DGKA: variants seen among roughly 807,000 people sequenced by gnomAD.
DGKA encodes diacylglycerol kinase alpha, also known as 80 kDa diacylglycerol kinase.
Under a neutral mutation model 105.0 loss-of-function variants are expected in DGKA, and 35 were observed. The observed-to-expected ratio is 0.33, with a 90% CI of 0.25 to 0.44. DGKA has a LOEUF of 0.44. Ranked by LOEUF, DGKA falls within the 20% of genes least tolerant of loss-of-function variation. The pLI is 1.00. For missense variants in DGKA, 665 were observed against 915.0 expected (o/e 0.73, Z 3.53); for synonymous variants, 296 against 332.0 (o/e 0.89, Z 1.18).
intron 17 of DGKA, among the ~76,000 whole-genome samples, chr12:55,949,168 G>GCACA (rs139522411): frequency 2.0e-5 from 3 of 149,604 alleles, no homozygotes; most frequent in African/African-American, 7.3e-5. Flanking sequence ...TTACATGCAT[G>GCACA]CACACACACA....
chr12:55,936,855 T>G (rs1404844283), intron 2 of DGKA, 162 bp from the exon 3 acceptor site: 1 of 821,392 alleles, frequency 1.2e-6, no homozygotes, highest in Non-Finnish European at 2.1e-6. Context: ...GAGTAAAGAG[T>G]GGTACTGTTT....
At chr12:55,950,464 G>A (rs868143909) in intron 17 of DGKA, among the ~76,000 whole-genome samples, 4 of 151,482 alleles carry the variant, frequency 2.6e-5, no homozygotes, top group South Asian at 2.1e-4. Context: ...CCACCACCAC[G>A]CCTGGCTAAT....
At position 55,940,044 on chromosome 12, in the gene DGKA, G is replaced by A. The variant is rs1294695584; in HGVS notation, c.710-38G>A. On this transcript the variant is annotated intron_variant, in intron 9 of 23. Transcript: ENST00000331886. This position sits in a 1 kb window ranked among gnomAD's most constrained non-coding sequence, Gnocchi z 4.3. ...AGGTAAGAAGGAAATAGGGGGAGAG[G>A]CTCAGCTAAGCCTCCCAACTTCTTC... 1.9e-6 allele frequency: 3 copies of A among 1,562,494 alleles called. No homozygotes were observed. Among genetic ancestry groups the A allele is most frequent in the Non-Finnish European group, 1.8e-6 (2 of 1,133,398 alleles).
chr12:55,946,943 G>A (rs1429531434), intron 17 of DGKA, among the ~76,000 whole-genome samples: 1 of 151,852 alleles, frequency 6.6e-6, no homozygotes, highest in Non-Finnish European at 1.5e-5. Flanking sequence ...TGAGGAAGTG[G>A]AGACTTTTTT....
At chr12:55,933,723 A>C (rs1884105539) in intron 1 of DGKA, 1 of 152,172 alleles carries the variant, frequency 6.6e-6, no homozygotes, top group Non-Finnish European at 1.5e-5. Flanking sequence ...ACATGTTTGC[A>C]CCTGACAGAT....
intron 1 of DGKA, among the ~76,000 whole-genome samples, chr12:55,935,127 A>G (rs766808974): frequency 5.3e-5 from 8 of 152,216 alleles, no homozygotes; most frequent in Admixed American, 3.3e-4. Context: ...CATCTGTAGA[A>G]TGGTTATGCC....
Position 55,936,460 on chromosome 12 carries a change from A to G in DGKA, c.-44A>G, listed in dbSNP as rs755847876. ...AAGAGGTCCAAGCAACGGAAGTACTACTACGAAGCTGCCTTTCTGGCCATC... is the reference window on the plus strand; with the variant it reads ...AAGAGGTCCAAGCAACGGAAGTACTGCTACGAAGCTGCCTTTCTGGCCATC... On this transcript the variant is annotated 5_prime_UTR_variant, in exon 2 of 24. Coordinates refer to ENST00000331886, the MANE Select transcript of DGKA (RefSeq NM_001345.5). 2 of 1,607,110 alleles carry G rather than the reference A, an allele frequency of 1.2e-6. No homozygotes were observed. Among genetic ancestry groups the G allele is most frequent in the East Asian group, 2.2e-5 (1 of 44,760 alleles).
Position 55,939,450 on chromosome 12 carries a change from C to T in DGKA, c.630C>T (p.Pro210=), listed in dbSNP as rs778781957. 1.9e-6 allele frequency: 3 copies of T among 1,614,162 alleles called. No homozygotes were observed. Among genetic ancestry groups the T allele is most frequent in the Admixed American group, 1.7e-5 (1 of 60,006 alleles). The part of the protein sequence containing the change: ...LKDDGQHMWR[P]KRFPRPVYCN... Reference sequence around the variant, plus strand: ...ACGACGGACAGCACATGTGGAGGCCCAAGAGGTTCCCCAGACCAGTCTACT... The same window carrying T: ...ACGACGGACAGCACATGTGGAGGCCTAAGAGGTTCCCCAGACCAGTCTACT... Residue 210 remains proline, a synonymous_variant, in exon 9 of 24, where the codon CCC becomes CCT. Coordinates refer to ENST00000331886, the MANE Select transcript of DGKA (RefSeq NM_001345.5).
chr12:55,928,657 A>G (rs1883244729), upstream of DGKA, among the ~76,000 whole-genome samples: 2 of 126,876 alleles, frequency 1.6e-5, no homozygotes. Flanking sequence ...AGCTTGGACG[A>G]CAGAGTGGGA....
intron 17 of DGKA, among the ~76,000 whole-genome samples, chr12:55,950,987 G>A (rs1296121630): frequency 6.6e-6 from 1 of 152,148 alleles, no homozygotes; most frequent in Admixed American, 6.5e-5. Flanking sequence ...GCCAGGCGCA[G>A]TGGCCTGTAA....
At position 55,932,695 on chromosome 12, in the gene DGKA, A is replaced by G. The variant is rs1814190639; in HGVS notation, c.-82+1351A>G. 1.5e-5 allele frequency: 9 copies of G among 596,910 alleles called. No homozygotes were observed. Among genetic ancestry groups the G allele is most frequent in the Non-Finnish European group, 8.9e-6 (3 of 338,880 alleles). The allele number at this position is 596,910 out of a possible 1,614,324, so 37.0% of individuals were successfully genotyped here. On this transcript the variant is annotated intron_variant, in intron 1 of 23. Coordinates refer to ENST00000331886, the MANE Select transcript of DGKA (RefSeq NM_001345.5). This position sits in a 1 kb window ranked among gnomAD's most constrained non-coding sequence, Gnocchi z 4.3. ...TATACTACGCAATGACACCCTCTAC[A>G]CACACACACACACGCACACACACAC...
chr12:55,940,101 C>A lies in DGKA; in HGVS notation c.729C>A (p.His243Gln). 6.2e-7 allele frequency: 1 copy of A among 1,614,180 alleles called. No homozygotes were observed. Among genetic ancestry groups the A allele is most frequent in the East Asian group, 2.2e-5 (1 of 44,890 alleles). The change falls in exon 10 of 24, where the codon CAC becomes CAA. Residue 243 changes from histidine (H) to glutamine (Q), a missense_variant. Transcript: ENST00000331886. The surrounding 1 kb of genome is among the most constrained non-coding windows in gnomAD (Gnocchi z 4.3). ...LSCNLCKYTV[H>Q]DQCAMKALPC... ...CCTCAGTCTGTAAGTACACTGTTCA[C>A]GACCAGTGTGCCATGAAAGCCCTGC... is the stretch of plus-strand genomic sequence containing the variant.
chr12:55,940,765 C>T lies in DGKA; in HGVS notation c.1017+43C>T, dbSNP rs759681025. Reference sequence around the variant, plus strand: ...AGCGGGGAGGGGACAGGAGTGCCTCCCCGATTTCCCACACGCACAGAGTGG... The same window carrying T: ...AGCGGGGAGGGGACAGGAGTGCCTCTCCGATTTCCCACACGCACAGAGTGG... On this transcript the variant is annotated intron_variant, in intron 12 of 23. Coordinates refer to ENST00000331886, the MANE Select transcript of DGKA (RefSeq NM_001345.5). The surrounding 1 kb of genome is among the most constrained non-coding windows in gnomAD (Gnocchi z 4.3). The T allele has an allele frequency of 3.7e-6, 6 of 1,608,046 alleles. No homozygotes were observed. In the Admixed American group the frequency reaches 5.0e-5, roughly 13 times the overall value.
chr12:55,927,718 C>T (rs1031059752), upstream of DGKA: 11 of 1,539,596 alleles, frequency 7.1e-6, no homozygotes, highest in African/African-American at 1.2e-4. Flanking sequence ...CGCCGCGGGT[C>T]GGTCACCTGT....
chr12:55,947,058 T>A (rs1887184874), intron 17 of DGKA, among the ~76,000 whole-genome samples: 1 of 150,290 alleles, frequency 6.7e-6, no homozygotes, highest in Non-Finnish European at 1.5e-5. Context: ...CGATCTCGGC[T>A]CATTGCAACC....
chr12:55,935,933 C>G (rs1884566343), intron 1 of DGKA: 1 of 986,244 alleles, frequency 1.0e-6, no homozygotes, highest in East Asian at 1.1e-4. Flanking sequence ...AAAATGGGGT[C>G]ATGGCCAGGA....
chr12:55,930,299 G>A (rs977932450), upstream of DGKA: 2 of 149,334 alleles, frequency 1.3e-5, no homozygotes, highest in Non-Finnish European at 3.0e-5. Flanking sequence ...GAGAGATGAA[G>A]CTTTGCTAAC....
chr12:55,951,017 T>C (rs1888045132), intron 17 of DGKA, among the ~76,000 whole-genome samples: 1 of 152,188 alleles, frequency 6.6e-6, no homozygotes. Context: ...TTTGGGATGT[T>C]TGGGGTATGG....
intron 15 of DGKA, 138 bp downstream of exon 15, chr12:55,941,722 C>A: frequency 1.1e-6 from 1 of 943,618 alleles, no homozygotes; most frequent in Non-Finnish European, 1.6e-6. Context: ...AGAATATTTC[C>A]TTCCCTAGGG....
Sources: allele counts gnomAD v4.1 joint callset (sites outside exome capture counted in the v4.1 genomes callset), GRCh38; gene constraint gnomAD v4.1.1; non-coding constraint Gnocchi (gnomAD v3.1); transcripts MANE v1.5; gene names NCBI Gene and HGNC (gene_info 2026-07-23, HGNC 2026-07-21).